The following DLEU7 variants were observed in gnomAD, a reference collection of about 807,000 sequenced individuals.
DLEU7 encodes the protein leukemia-associated protein 7.
A neutral mutation model predicts 16.0 loss-of-function variants in DLEU7; 17 were observed. That is an observed-to-expected ratio of 1.06 (90% CI 0.73 to 1.59). DLEU7 has a LOEUF of 1.59. Ranked by LOEUF, DLEU7 falls within the 40% of genes most tolerant of loss-of-function variation. The pLI is 0.00. For synonymous variants in DLEU7, 113 were observed against 139.8 expected (o/e 0.81, Z 1.35); for missense variants, 308 against 314.9 (o/e 0.98, Z 0.17).
chr13:50,727,300 A>G (rs1873791981), intron 1 of DLEU7, among the ~76,000 whole-genome samples: 1 of 140,962 alleles, frequency 7.1e-6, no homozygotes, highest in African/African-American at 2.8e-5. Context: ...GTCTTGTGCT[A>G]TTCACAAGTA....
chr13:50,837,078 A>G (rs1435370613), intron 1 of DLEU7, among the ~76,000 whole-genome samples: 2 of 152,224 alleles, frequency 1.3e-5, no homozygotes, highest in African/African-American at 4.8e-5. Context: ...AAAACACCCA[A>G]TGAAGAACCA....
intron 1 of DLEU7, among the ~76,000 whole-genome samples, chr13:50,742,476 T>C (rs1194220360): frequency 6.7e-6 from 1 of 149,364 alleles, no homozygotes; most frequent in Non-Finnish European, 1.5e-5. Flanking sequence ...TGTAGATTTC[T>C]TGGAGTAGGG....
At chr13:50,841,853 T>C (rs1877674527) in intron 1 of DLEU7, among the ~76,000 whole-genome samples, 1 of 152,150 alleles carries the variant, frequency 6.6e-6, no homozygotes, top group Admixed American at 6.5e-5. Context: ...AAGTACATCT[T>C]ACATTGGAGA....
chr13:50,810,472 G>A (rs4523838), intron 1 of DLEU7, among the ~76,000 whole-genome samples: 74,585 of 151,548 alleles, frequency 0.49, 18,768 homozygotes, highest in Non-Finnish European at 0.56. Context: ...AATACCAAAA[G>A]GGAAAGGCAA....
chr13:50,749,778 G>A (rs900946491), intron 1 of DLEU7, among the ~76,000 whole-genome samples: 2 of 151,996 alleles, frequency 1.3e-5, no homozygotes, highest in African/African-American at 4.8e-5. Context: ...CTCACTTTTG[G>A]ATGGGATTGT....
intron 1 of DLEU7, among the ~76,000 whole-genome samples, chr13:50,784,720 C>T (rs1038493743): frequency 4.6e-5 from 7 of 152,196 alleles, no homozygotes; most frequent in African/African-American, 9.7e-5. Context: ...ACAAGCTGCT[C>T]GGACCATCTG....
At chr13:50,759,389 GA>G (rs1229304857) in intron 1 of DLEU7, among the ~76,000 whole-genome samples, 1 of 152,202 alleles carries the variant, frequency 6.6e-6, no homozygotes, top group Non-Finnish European at 1.5e-5. Context: ...CACAGATTTA[GA>G]AGTTTATGAG....
rs144215988 is a variant in DLEU7, at chr13:50,760,301, A to G, written c.460-47061T>C. 6.8e-3 allele frequency among the ~76,000 whole-genome samples: 1,035 copies of G among 152,314 alleles called. 34 individuals are homozygous for G. The highest frequency in any genetic ancestry group is 1.7e-3 in the Non-Finnish European group (113 of 68,024). ...AATTAAACATCTTTGAATACTTTCA[A>G]TTACACTTACAAATATAAGTACTTT... On this transcript the variant is annotated intron_variant, in intron 1 of 1. Coordinates refer to the DLEU7 transcript ENST00000400393.
At chr13:50,737,224 A>G (rs1200954943) in intron 1 of DLEU7, among the ~76,000 whole-genome samples, 6 of 152,174 alleles carry the variant, frequency 3.9e-5, no homozygotes, top group African/African-American at 2.4e-5. Flanking sequence ...AAGCAAAAAT[A>G]TTTAACAAAA....
At chr13:50,749,167 A>C (rs1378009668) in intron 1 of DLEU7, among the ~76,000 whole-genome samples, 1 of 151,568 alleles carries the variant, frequency 6.6e-6, no homozygotes, top group Non-Finnish European at 1.5e-5. Context: ...GAATTACTTT[A>C]CTTAGAATAA....
intron 1 of DLEU7, among the ~76,000 whole-genome samples, chr13:50,750,048 T>C (rs1465808748): frequency 6.6e-6 from 1 of 152,230 alleles, no homozygotes; most frequent in Non-Finnish European, 1.5e-5. Context: ...TGTTATCTTC[T>C]AGAATTTTTA....
chr13:50,841,951 G>A (rs1419397139), intron 1 of DLEU7, among the ~76,000 whole-genome samples: 31 of 142,242 alleles, frequency 2.2e-4, no homozygotes, highest in Non-Finnish European at 1.5e-5. Context: ...CACCGCCCCC[G>A]CCACCTTTGG....
At chr13:50,833,743 G>GC in intron 1 of DLEU7, among the ~76,000 whole-genome samples, 1 of 152,206 alleles carries the variant, frequency 6.6e-6, no homozygotes, top group East Asian at 1.9e-4. Flanking sequence ...ACAATCCTAA[G>GC]CCAAAAGAAC....
intron 1 of DLEU7, among the ~76,000 whole-genome samples, chr13:50,738,475 C>T (rs1163993467): frequency 6.6e-6 from 1 of 152,074 alleles, no homozygotes; most frequent in Non-Finnish European, 1.5e-5. Context: ...TTCTCAATGG[C>T]AATGCACATC....
At chr13:50,790,367 T>C (rs1009953576) in intron 1 of DLEU7, among the ~76,000 whole-genome samples, 1 of 152,178 alleles carries the variant, frequency 6.6e-6, no homozygotes, top group Admixed American at 6.5e-5. Context: ...TTTGTTTTCC[T>C]TCTCCCAAAT....
downstream of DLEU7, chr13:50,711,772 C>CCGGGGGGGGGGGGGGGGGGGGGGG: frequency 1.4e-5 from 1 of 72,928 alleles, no homozygotes; most frequent in African/African-American, 3.9e-5. Context: ...GACCCAGTGG[C>CCGGGGGGGGGGGGGGGGGGGGGGG]GGGGGCGGGG....
At chr13:50,755,323 C>T (rs994729593) in intron 1 of DLEU7, among the ~76,000 whole-genome samples, 1 of 152,114 alleles carries the variant, frequency 6.6e-6, no homozygotes, top group Non-Finnish European at 1.5e-5. Flanking sequence ...TCAAGAACAC[C>T]GATTATTCTT....
intron 1 of DLEU7, among the ~76,000 whole-genome samples, chr13:50,789,473 C>T (rs1236944749): frequency 6.0e-5 from 9 of 149,174 alleles, no homozygotes; most frequent in Admixed American, 4.7e-4. Flanking sequence ...GAGCAGGAAA[C>T]TCATGGTGTG....
chr13:50,814,251 G>A (rs941471919), intron 1 of DLEU7, among the ~76,000 whole-genome samples: 14 of 152,106 alleles, frequency 9.2e-5, no homozygotes, highest in Non-Finnish European at 1.5e-4. Flanking sequence ...TCTCAGTCCG[G>A]AAGCCAGAAT....
Sources: gnomAD v4.1 joint callset for allele counts (sites outside exome capture counted in the v4.1 genomes callset) on GRCh38, gnomAD v4.1.1 for gene constraint, MANE v1.5 for transcripts, NCBI Gene and HGNC (gene_info 2026-07-23, HGNC 2026-07-21) for gene names.